OPCML: variants seen among roughly 807,000 people sequenced by gnomAD.
OPCML encodes the protein opioid-binding protein/cell adhesion molecule.
In OPCML, 13 loss-of-function variants were observed where a neutral mutation model predicts 37.8. That is an observed-to-expected ratio of 0.34 (90% CI 0.22 to 0.55). The LOEUF (loss-of-function observed/expected upper bound fraction) is 0.55. Ranked by LOEUF, OPCML falls within the 20% of genes least tolerant of loss-of-function variation. The pLI is 0.91. For synonymous variants in OPCML, 176 were observed against 168.8 expected (o/e 1.04, Z -0.33); for missense variants, 341 against 435.6 (o/e 0.78, Z 1.93).
Position 132,423,458 on chromosome 11 carries a change from C to T in OPCML, c.917-3165G>A, listed in dbSNP as rs140960468. Among the ~76,000 whole-genome samples, 73 of 152,316 alleles carry T rather than the reference C, an allele frequency of 4.8e-4. No homozygotes were observed. The South Asian group carries it at 5.4e-3, about 11-fold the overall frequency. ...TTGTCAGCTGGGCCAAATGCCAATG[C>T]GGTGAGGGCTCTGCCGGAGGGCTCT... On this transcript the variant is annotated intron_variant, in intron 7 of 7. Transcript: ENST00000524381.
At chr11:132,646,586 A>T (rs1941161819) in intron 3 of OPCML, among the ~76,000 whole-genome samples, 1 of 152,194 alleles carries the variant, frequency 6.6e-6, no homozygotes, top group Non-Finnish European at 1.5e-5. Flanking sequence ...AAGATTCTGC[A>T]CTTTGAAGGT....
chr11:132,817,548 T>A (rs1939704552), intron 2 of OPCML, among the ~76,000 whole-genome samples: 1 of 152,180 alleles, frequency 6.6e-6, no homozygotes, highest in Non-Finnish European at 1.5e-5. Flanking sequence ...AAATAAGGTT[T>A]GTTTTTCTGG....
At chr11:132,646,130 T>C (rs1235889353) in intron 3 of OPCML, among the ~76,000 whole-genome samples, 1 of 152,044 alleles carries the variant, frequency 6.6e-6, no homozygotes, top group Non-Finnish European at 1.5e-5. Flanking sequence ...GCTCAGTATA[T>C]ACTGCTCAGG....
intron 1 of OPCML, among the ~76,000 whole-genome samples, chr11:133,146,515 A>G (rs1295544139): frequency 2.0e-5 from 3 of 151,976 alleles, no homozygotes; most frequent in African/African-American, 4.8e-5. Flanking sequence ...GAGTTTCACT[A>G]TGTTGGCAGG....
chr11:133,248,343 C>G (rs188104978), intron 1 of OPCML, among the ~76,000 whole-genome samples: 2 of 152,200 alleles, frequency 1.3e-5, no homozygotes, highest in Non-Finnish European at 2.9e-5. Context: ...GGTGGGACAC[C>G]TCTTTGGCTA....
chr11:133,225,521 G>T (rs1940003072), intron 1 of OPCML, among the ~76,000 whole-genome samples: 1 of 152,186 alleles, frequency 6.6e-6, no homozygotes, highest in South Asian at 2.1e-4. Flanking sequence ...ACGGGAAAGT[G>T]CTTGAAACAG....
chr11:132,646,383 G>A (rs1026514845), intron 3 of OPCML, among the ~76,000 whole-genome samples: 4 of 152,182 alleles, frequency 2.6e-5, no homozygotes, highest in African/African-American at 7.2e-5. Context: ...CTCAGCACTT[G>A]GAAAGACAAT....
At chr11:133,089,226 G>A (rs1948866875) in intron 1 of OPCML, among the ~76,000 whole-genome samples, 1 of 152,152 alleles carries the variant, frequency 6.6e-6, no homozygotes, top group South Asian at 2.1e-4. Flanking sequence ...TATACAGATA[G>A]TATCTGGAAA....
chr11:132,440,154 G>C (rs998015901), intron 4 of OPCML, among the ~76,000 whole-genome samples: 1 of 152,130 alleles, frequency 6.6e-6, no homozygotes, highest in African/African-American at 2.4e-5. Flanking sequence ...CACTGTCTGT[G>C]ATGCTGTTTT....
intron 2 of OPCML, among the ~76,000 whole-genome samples, chr11:132,801,226 A>C (rs1938629391): frequency 6.6e-6 from 1 of 152,186 alleles, no homozygotes; most frequent in African/African-American, 2.4e-5. Context: ...CTGTAAGGTA[A>C]GTAGTAATAT....
At chr11:133,456,191 A>C (rs1425793215) in intron 1 of OPCML, among the ~76,000 whole-genome samples, 3 of 152,248 alleles carry the variant, frequency 2.0e-5, no homozygotes, top group Non-Finnish European at 4.4e-5. Flanking sequence ...AATCTGATAA[A>C]GCATCTAATT....
intron 1 of OPCML, among the ~76,000 whole-genome samples, chr11:133,153,201 G>GCCCC (rs1467395025): frequency 6.6e-6 from 1 of 152,158 alleles, no homozygotes; most frequent in Non-Finnish European, 1.5e-5. Flanking sequence ...ACGGGAGCCT[G>GCCCC]CCCCGCAGCC....
At chr11:133,352,227 T>G (rs1159512969) in intron 1 of OPCML, among the ~76,000 whole-genome samples, 1 of 152,244 alleles carries the variant, frequency 6.6e-6, no homozygotes, top group Non-Finnish European at 1.5e-5. Context: ...TTGGCTAATC[T>G]GGTTTATACC....
chr11:133,438,580 T>C (rs1946292535), intron 1 of OPCML, among the ~76,000 whole-genome samples: 1 of 152,132 alleles, frequency 6.6e-6, no homozygotes, highest in Non-Finnish European at 1.5e-5. Flanking sequence ...TATGACACAA[T>C]AAGAAATAGA....
At chr11:132,920,414 TAA>T (rs1408745247) in intron 2 of OPCML, among the ~76,000 whole-genome samples, 2 of 152,236 alleles carry the variant, frequency 1.3e-5, no homozygotes, top group African/African-American at 2.4e-5. Context: ...ACACTAAAAC[TAA>T]AAGTTACTGT....
rs374839817 is a variant in OPCML at position 132,529,200 on chromosome 11, G to T, written c.380-14C>A. 17 of 1,596,740 alleles carry T rather than the reference G, an allele frequency of 1.1e-5. No individual in the cohort carries two copies. Among genetic ancestry groups the T allele is most frequent in the Non-Finnish European group, 1.4e-5 (16 of 1,170,920 alleles). On this transcript the variant is annotated splice_polypyrimidine_tract_variant and intron_variant, in intron 3 of 7. Coordinates refer to ENST00000524381, the MANE Select transcript of OPCML (RefSeq NM_001012393.5). ...TCTGAGGAGGAACTGTAAGGAAACA[G>T]GATAGAAGAAATACCTGAGAATAAT...
At chr11:133,280,988 T>C (rs960740431) in intron 1 of OPCML, among the ~76,000 whole-genome samples, 2 of 152,168 alleles carry the variant, frequency 1.3e-5, no homozygotes, top group Non-Finnish European at 2.9e-5. Context: ...TAGGGAAGAT[T>C]ATCCCAACCT....
intron 1 of OPCML, among the ~76,000 whole-genome samples, chr11:133,192,044 A>C (rs1938344975): frequency 6.6e-6 from 1 of 152,208 alleles, no homozygotes; most frequent in South Asian, 2.1e-4. Flanking sequence ...GTACAGTAAA[A>C]AAAGAACAAT....
chr11:133,496,057 C>T (rs1375156710), intron 1 of OPCML, among the ~76,000 whole-genome samples: 1 of 152,150 alleles, frequency 6.6e-6, no homozygotes. Context: ...GTCCTTAATC[C>T]ACCTTGAGTT....
Sources: gnomAD v4.1 joint callset for allele counts (sites outside exome capture counted in the v4.1 genomes callset) on GRCh38, gnomAD v4.1.1 for gene constraint, MANE v1.5 for transcripts, NCBI Gene and HGNC (gene_info 2026-07-23, HGNC 2026-07-21) for gene names.